The following SPIN1 variants were observed in gnomAD, a reference collection of about 807,000 sequenced individuals.
SPIN1 encodes spindlin-1.
SPIN1 carries 3 observed loss-of-function variants against 26.0 expected under a neutral mutation model. The observed-to-expected ratio is 0.12, with a 90% CI of 0.05 to 0.30. SPIN1 has a LOEUF of 0.30. Among genes scored for constraint, SPIN1 ranks in the 10% least tolerant of loss-of-function variants. The pLI, the probability that SPIN1 is intolerant of heterozygous loss-of-function variation, is 1.00. For synonymous variants in SPIN1, 101 were observed against 116.5 expected, an observed-to-expected ratio of 0.87 and a Z score of 0.86; for missense variants, 126 against 333.4, an observed-to-expected ratio of 0.38 and a Z score of 4.84.
chr9:88,448,897 C>T (rs1239250110), intron 2 of SPIN1, 44 bp from the exon 3 acceptor site: 7 of 1,592,700 alleles, frequency 4.4e-6, no homozygotes, highest in African/African-American at 1.3e-5. Context: ...CTGAGGTATT[C>T]TTTTATCTGG....
At chr9:88,445,448 C>T (rs1828228209) in intron 2 of SPIN1, among the ~76,000 whole-genome samples, 1 of 151,504 alleles carries the variant, frequency 6.6e-6, no homozygotes, top group Admixed American at 6.6e-5. Context: ...GCCTATCTCC[C>T]AGTTTTAGTC....
rs772138508 is a variant in SPIN1, at chr9:88,475,281, T to C, written c.*4T>C. 1 of 1,610,560 alleles carries C rather than the reference T, an allele frequency of 6.2e-7. No homozygotes were observed. The highest frequency in any genetic ancestry group is 1.7e-5 in the Admixed American group (1 of 59,600). ...CGATTTGGTGAAAACATCCTAGATGTCATCACAAACTCTGCCAAATTTGTG... is the reference window on the plus strand; with the variant it reads ...CGATTTGGTGAAAACATCCTAGATGCCATCACAAACTCTGCCAAATTTGTG... On this transcript the variant is annotated 3_prime_UTR_variant, in exon 6 of 6. Transcript: ENST00000375859.
At chr9:88,410,960 T>C in intron 1 of SPIN1, 1 of 1,248,842 alleles carries the variant, frequency 8.0e-7, no homozygotes, top group South Asian at 1.2e-5. Context: ...ATTCACAGTA[T>C]GATATTTCTG....
chr9:88,471,868 T>C (rs550989545), intron 5 of SPIN1, among the ~76,000 whole-genome samples: 1 of 152,130 alleles, frequency 6.6e-6, no homozygotes, highest in Admixed American at 6.5e-5. Context: ...TCGCACTCTG[T>C]TGCTCAGGCT....
chr9:88,397,182 TTAA>T (rs1827083712), intron 1 of SPIN1, among the ~76,000 whole-genome samples: 1 of 152,178 alleles, frequency 6.6e-6, no homozygotes, highest in South Asian at 2.1e-4. Flanking sequence ...TTTTTTTAAC[TTAA>T]TAAGCTTTTT....
intron 3 of SPIN1, among the ~76,000 whole-genome samples, chr9:88,462,193 T>C (rs941047135): frequency 8.5e-5 from 13 of 152,258 alleles, no homozygotes; most frequent in African/African-American, 2.7e-4. Context: ...CTCAGAAAGC[T>C]GATAACCTGA....
At chr9:88,406,093 A>C (rs1446220343) in intron 1 of SPIN1, among the ~76,000 whole-genome samples, 1 of 150,380 alleles carries the variant, frequency 6.6e-6, no homozygotes, top group Non-Finnish European at 1.5e-5. Flanking sequence ...CTGGTCTCCA[A>C]CCCTTGGACT....
At chr9:88,404,920 A>C (rs1329619898) in intron 1 of SPIN1, among the ~76,000 whole-genome samples, 9 of 97,602 alleles carry the variant, frequency 9.2e-5, no homozygotes, top group Non-Finnish European at 1.5e-4. Context: ...CGTCTCAAAA[A>C]AAAAAAAAAC....
chr9:88,400,770 A>G (rs1249803831), intron 1 of SPIN1, among the ~76,000 whole-genome samples: 1 of 151,754 alleles, frequency 6.6e-6, no homozygotes, highest in Non-Finnish European at 1.5e-5. Flanking sequence ...GCTTGAGCCC[A>G]GGAGGCAGAG....
At chr9:88,442,856 G>T (rs778876247) in intron 2 of SPIN1, among the ~76,000 whole-genome samples, 5 of 150,794 alleles carry the variant, frequency 3.3e-5, no homozygotes, top group Non-Finnish European at 4.4e-5. Flanking sequence ...GTATGGTGGC[G>T]CACGCCTGTA....
intron 3 of SPIN1, among the ~76,000 whole-genome samples, chr9:88,461,777 G>T (rs1456550874): frequency 6.6e-6 from 1 of 152,106 alleles, no homozygotes; most frequent in Admixed American, 6.5e-5. Context: ...AGAGCCAGGT[G>T]TATTATTTAT....
intron 1 of SPIN1, chr9:88,411,336 A>C (rs1334359886): frequency 6.7e-7 from 1 of 1,484,830 alleles, no homozygotes; most frequent in Non-Finnish European, 9.3e-7. Flanking sequence ...ATTACCACAC[A>C]GTCCGTGAGT....
intron 3 of SPIN1, among the ~76,000 whole-genome samples, chr9:88,461,441 G>C (rs1440164286): frequency 6.6e-6 from 1 of 152,118 alleles, no homozygotes; most frequent in Non-Finnish European, 1.5e-5. Flanking sequence ...CTTATGGCCT[G>C]TTCCCGTCTG....
chr9:88,400,939 G>T (rs1827173630), intron 1 of SPIN1, among the ~76,000 whole-genome samples: 1 of 152,164 alleles, frequency 6.6e-6, no homozygotes, highest in Non-Finnish European at 1.5e-5. Flanking sequence ...GTTGAGCTGG[G>T]GAAGTCGAGG....
At chr9:88,437,226 G>T (rs1828021101) in intron 2 of SPIN1, among the ~76,000 whole-genome samples, 1 of 152,072 alleles carries the variant, frequency 6.6e-6, no homozygotes, top group African/African-American at 2.4e-5. Flanking sequence ...GGCCGGGGGT[G>T]GTGGCTCACA....
chr9:88,410,191 A>C (rs1328861815), intron 1 of SPIN1, among the ~76,000 whole-genome samples: 7 of 107,644 alleles, frequency 6.5e-5, no homozygotes, highest in African/African-American at 3.9e-4. Context: ...GTGTGTGTGC[A>C]ACTTTTTTTT....
At chr9:88,438,467 TGTC>T (rs2118081076) in intron 2 of SPIN1, among the ~76,000 whole-genome samples, 1 of 152,322 alleles carries the variant, frequency 6.6e-6, no homozygotes, top group African/African-American at 2.4e-5. Context: ...CAGTTCATAA[TGTC>T]GTCTGTTTTG....
chr9:88,450,571 T>TA (rs1828335571), intron 3 of SPIN1, among the ~76,000 whole-genome samples: 2 of 152,158 alleles, frequency 1.3e-5, no homozygotes, highest in Admixed American at 1.3e-4. Flanking sequence ...TTTGATTCCC[T>TA]AAAGCATAAG....
intron 3 of SPIN1, among the ~76,000 whole-genome samples, chr9:88,450,328 G>C (rs533638713): frequency 6.6e-6 from 1 of 152,274 alleles, no homozygotes; most frequent in East Asian, 1.9e-4. Flanking sequence ...TGCAGGACCA[G>C]AACAGTTCAT....
Sources: gnomAD v4.1 joint callset for allele counts (sites outside exome capture counted in the v4.1 genomes callset) on GRCh38, gnomAD v4.1.1 for gene constraint, MANE v1.5 for transcripts, NCBI Gene and HGNC (gene_info 2026-07-23, HGNC 2026-07-21) for gene names.